Variants in EVA1A observed in about 807,000 individuals in gnomAD.
The protein encoded by EVA1A is eva-1 homolog A, regulator of programmed cell death.
In EVA1A, 7 loss-of-function variants were observed where a neutral mutation model predicts 9.8. The observed-to-expected ratio is 0.71, with a 90% CI of 0.41 to 1.34. The LOEUF is 1.34. Ranked by LOEUF, EVA1A falls within the 40% of genes most tolerant of loss-of-function variation. EVA1A has a pLI of 0.01. For missense variants in EVA1A, 206 were observed against 205.9 expected (o/e 1.00, Z 0.00); for synonymous variants, 90 against 85.6 (o/e 1.05, Z -0.28).
chr2:75,500,095 C>G (rs1211626706), intron 3 of EVA1A, among the ~76,000 whole-genome samples: 1 of 152,186 alleles, frequency 6.6e-6, no homozygotes, highest in Non-Finnish European at 1.5e-5. Flanking sequence ...TCCCATCTTA[C>G]TATGGTGCAC....
chr2:75,545,724 C>G (rs1197902435), intron 1 of EVA1A, among the ~76,000 whole-genome samples: 1 of 152,130 alleles, frequency 6.6e-6, no homozygotes, highest in Non-Finnish European at 1.5e-5. Context: ...ATTAATGAAG[C>G]TCCTATTAAT....
chr2:75,531,718 G>A (rs111447268), intron 1 of EVA1A, among the ~76,000 whole-genome samples: 166 of 152,174 alleles, frequency 1.1e-3, no homozygotes, highest in African/African-American at 3.8e-3. Context: ...CTATGAGGAC[G>A]CAAAGGCATA....
intron 1 of EVA1A, among the ~76,000 whole-genome samples, chr2:75,529,592 G>A (rs1323095638): frequency 1.3e-5 from 2 of 152,056 alleles, no homozygotes; most frequent in Non-Finnish European, 2.9e-5. Context: ...AACTCCAAAA[G>A]GAACCCTCAA....
intron 1 of EVA1A, among the ~76,000 whole-genome samples, chr2:75,553,760 A>C (rs1409677029): frequency 2.0e-5 from 3 of 152,218 alleles, no homozygotes; most frequent in Non-Finnish European, 4.4e-5. Context: ...GCAGGGTCTA[A>C]CACTGGAGAA....
intron 1 of EVA1A, among the ~76,000 whole-genome samples, chr2:75,549,480 C>T (rs952046968): frequency 3.3e-5 from 5 of 152,034 alleles, no homozygotes; most frequent in Non-Finnish European, 5.9e-5. Flanking sequence ...TCCATCACAC[C>T]CACACCCAGC....
chr2:75,517,854 C>T, intron 3 of EVA1A: 1 of 740,692 alleles, frequency 1.4e-6, no homozygotes, highest in African/African-American at 1.7e-5. Context: ...GCTCTTAGAA[C>T]CCTTCATTTT....
chr2:75,548,567 A>C (rs1353020787), intron 1 of EVA1A, among the ~76,000 whole-genome samples: 1 of 152,114 alleles, frequency 6.6e-6, no homozygotes, highest in Admixed American at 6.6e-5. Flanking sequence ...ATATTCTTTA[A>C]GATTATGTTT....
At chr2:75,529,082 A>G (rs1444397734) in intron 1 of EVA1A, among the ~76,000 whole-genome samples, 1 of 152,230 alleles carries the variant, frequency 6.6e-6, no homozygotes. Context: ...CTACCAGAAC[A>G]GGTGCTGGTA....
upstream of EVA1A, chr2:75,561,078 G>C (rs915297993): frequency 2.0e-5 from 3 of 150,988 alleles, no homozygotes; most frequent in African/African-American, 2.4e-5. Context: ...AAACCTGAAC[G>C]GCTGCGGCGT....
chr2:75,526,182 G>C (rs6547003), intron 1 of EVA1A: 7,980 of 152,250 alleles, frequency 0.052, 646 homozygotes, highest in African/African-American at 0.17. Context: ...AATGTGGTCA[G>C]CGATCTACCT....
intron 1 of EVA1A, among the ~76,000 whole-genome samples, chr2:75,541,410 C>T (rs1479062554): frequency 6.6e-6 from 1 of 152,160 alleles, no homozygotes; most frequent in African/African-American, 2.4e-5. Context: ...AAAAGCTAGT[C>T]CTGTGAGGTA....
chr2:75,548,073 T>G (rs891433897), intron 1 of EVA1A, among the ~76,000 whole-genome samples: 1 of 152,248 alleles, frequency 6.6e-6, no homozygotes, highest in Non-Finnish European at 1.5e-5. Context: ...GTGACTTGCC[T>G]CTCATAAAAA....
At chr2:75,564,242 CA>C (rs1338759835), upstream of EVA1A, among the ~76,000 whole-genome samples, 1 of 152,186 alleles carries the variant, frequency 6.6e-6, no homozygotes. Flanking sequence ...ACAGGAAGGG[CA>C]GAGGAGTAGG....
intron 1 of EVA1A, among the ~76,000 whole-genome samples, chr2:75,557,424 C>T (rs956676404): frequency 6.6e-6 from 1 of 152,234 alleles, no homozygotes; most frequent in African/African-American, 2.4e-5. Context: ...GCCAGTTTTA[C>T]CTTCAATAGA....
rs71403226 is a variant in EVA1A at position 75,548,983 on chromosome 2, A to AATATATAT, written c.-192+11689_-192+11696dup. Among the ~76,000 whole-genome samples the AATATATAT allele has an allele frequency of 2.2e-5, 3 of 133,686 alleles. No individual in the cohort carries two copies. The South Asian group carries it at 7.5e-4, about 33-fold the overall frequency. The allele number at this position is 133,686 out of a possible 152,430, so 87.7% of individuals were successfully genotyped here. ...TGAACTGATGACTGGCTAAATGAAA[A>AATATATAT]ATATATATATATATATATATATATA... On this transcript the variant is annotated intron_variant, in intron 1 of 3. Transcript: ENST00000393913.
intron 3 of EVA1A, among the ~76,000 whole-genome samples, chr2:75,507,155 C>A (rs1008558376): frequency 6.6e-6 from 1 of 152,148 alleles, no homozygotes; most frequent in African/African-American, 2.4e-5. Flanking sequence ...GGATAACTGA[C>A]GTGTGGAGGT....
At chr2:75,518,865 G>C (rs1572961171) in intron 2 of EVA1A, 1 of 985,324 alleles carries the variant, frequency 1.0e-6, no homozygotes, top group South Asian at 4.7e-5. Flanking sequence ...GTGGTTCAGA[G>C]CTGGCTATCC....
chr2:75,506,872 C>T (rs975518830), intron 3 of EVA1A, among the ~76,000 whole-genome samples: 1 of 152,290 alleles, frequency 6.6e-6, no homozygotes, highest in African/African-American at 2.4e-5. Context: ...CAACTCCAGA[C>T]TCCATAGCCG....
chr2:75,560,170 T>G (rs1158360663), intron 1 of EVA1A, among the ~76,000 whole-genome samples: 1 of 152,014 alleles, frequency 6.6e-6, no homozygotes, highest in African/African-American at 2.4e-5. Context: ...TTTCACTCCC[T>G]GATGCACTCG....
Sources: allele counts gnomAD v4.1 joint callset (sites outside exome capture counted in the v4.1 genomes callset), GRCh38; gene constraint gnomAD v4.1.1; transcripts MANE v1.5; gene names NCBI Gene and HGNC (gene_info 2026-07-23, HGNC 2026-07-21).